The following EVC variants were observed in gnomAD, a reference collection of about 807,000 sequenced individuals.
The protein encoded by EVC is EvC ciliary complex subunit 1.
EVC carries 116 observed loss-of-function variants against 118.9 expected under a neutral mutation model. The observed-to-expected ratio is 0.98, with a 90% confidence interval of 0.84 to 1.14. EVC has a LOEUF of 1.14. Ranked by LOEUF, EVC falls within the 50% of genes most tolerant of loss-of-function variation. The pLI is 0.00. For synonymous variants in EVC, 619 were observed against 534.7 expected (o/e 1.16, Z -2.18); for missense variants, 1,401 against 1,246.4 (o/e 1.12, Z -1.87).
chr4:5,713,780 G>T (rs1026021209), intron 1 of EVC, among the ~76,000 whole-genome samples: 1 of 151,780 alleles, frequency 6.6e-6, no homozygotes, highest in Non-Finnish European at 1.5e-5. Flanking sequence ...GTGCATGCCT[G>T]TAATCCCAGC....
At chr4:5,793,316 A>T (rs1056396308) in intron 12 of EVC, among the ~76,000 whole-genome samples, 2 of 152,230 alleles carry the variant, frequency 1.3e-5, no homozygotes, top group Non-Finnish European at 2.9e-5. Flanking sequence ...ACAATTAGTT[A>T]TCCATTTATC....
the EVC span, chr4:5,825,837 A>T: frequency 1.6e-6 from 1 of 626,674 alleles, no homozygotes; most frequent in South Asian, 2.1e-5. The surrounding 1 kb of genome is among the most constrained non-coding windows in gnomAD (Gnocchi z 4.4). Context: ...AGCCGCACAC[A>T]GGCATTCATA....
rs866226288 is a variant in EVC, at chr4:5,711,473, C to G, written c.93C>G (p.Ala31=). The G allele has an allele frequency of 3.8e-4, 410 of 1,076,374 alleles. 3 individuals are homozygous for G. In the African/African-American group the frequency reaches 6.3e-3, roughly 17 times the overall value. 66.7% of individuals were successfully genotyped at this position (1,076,374 alleles called of 1,614,324 possible). ...CGGCGCCCGCCCTGCTGGCCCCCGC[C>G]GTGCTGCTGGGCGCCGCGCTCGGCC... ...LRPAPALLAP[A]VLLGAALGLG... is the part of the protein sequence containing the mutation. Residue 31 remains alanine, a synonymous_variant, in exon 1 of 21, where the codon GCC becomes GCG. Coordinates refer to ENST00000264956, the MANE Select transcript of EVC (RefSeq NM_153717.3).
the EVC span, chr4:5,825,820 CACAT>C: frequency 1.5e-6 from 1 of 673,264 alleles, no homozygotes; most frequent in Non-Finnish European, 2.5e-6. This position sits in a 1 kb window ranked among gnomAD's most constrained non-coding sequence, Gnocchi z 4.4. Context: ...GCACTTCACA[CACAT>C]GCAGCCGCAC....
chr4:5,713,655 C>CAACAAGAAT, intron 1 of EVC, among the ~76,000 whole-genome samples: 2 of 116,030 alleles, frequency 1.7e-5, no homozygotes, highest in South Asian at 2.8e-4. Flanking sequence ...CCAGCCTGGG[C>CAACAAGAAT]GATAGAGCAA....
chr4:5,771,877 G>C (rs1734019210), intron 11 of EVC, among the ~76,000 whole-genome samples: 1 of 148,554 alleles, frequency 6.7e-6, no homozygotes, highest in African/African-American at 2.5e-5. Flanking sequence ...ACGGAATGTG[G>C]CTTTTTATTT....
chr4:5,724,197 T>A (rs1020860756), intron 2 of EVC, among the ~76,000 whole-genome samples: 4 of 152,190 alleles, frequency 2.6e-5, no homozygotes, highest in Admixed American at 2.6e-4. Flanking sequence ...CGGCAGACCC[T>A]CAATACATGG....
chr4:5,752,790 G>A, intron 8 of EVC, 46 bp from the exon 9 acceptor site: 1 of 1,588,774 alleles, frequency 6.3e-7, no homozygotes, highest in African/African-American at 1.3e-5. Flanking sequence ...TGCCCTGGTG[G>A]TTCCCAGGAC....
At chr4:5,744,141 A>C (rs960944917) in intron 6 of EVC, among the ~76,000 whole-genome samples, 2 of 152,196 alleles carry the variant, frequency 1.3e-5, no homozygotes, top group Non-Finnish European at 2.9e-5. Context: ...AAACTTTCAG[A>C]AGAGGACAAG....
chr4:5,748,522 A>G (rs954666593), intron 8 of EVC, among the ~76,000 whole-genome samples: 1 of 135,166 alleles, frequency 7.4e-6, no homozygotes, highest in Non-Finnish European at 1.6e-5. Context: ...CCTTCCATCC[A>G]TCCATCCATC....
In EVC at chr4:5,811,529, G is replaced by A. The variant is rs530991301; in HGVS notation, c.*492G>A. On this transcript the variant is annotated 3_prime_UTR_variant, in exon 21 of 21. Transcript: ENST00000264956. ...CTTCACCTGGGGAGGGGCTTCTTCC[G>A]GACAGTAGACACCCTGCCCGTGCAG... The A allele has an allele frequency of 6.7e-4, 135 of 201,502 alleles. 1 individual carries two copies. The highest frequency in any genetic ancestry group is 2.7e-3 in the African/African-American group (115 of 42,508). The allele number at this position is 201,502 out of a possible 1,614,324, so 12.5% of individuals were successfully genotyped here.
At chr4:5,712,438 G>A (rs1723195759) in intron 1 of EVC, among the ~76,000 whole-genome samples, 1 of 152,250 alleles carries the variant, frequency 6.6e-6, no homozygotes, top group African/African-American at 2.4e-5. Context: ...TGGCCCTCAT[G>A]GAATTGGCTG....
chr4:5,770,538 A>G (rs1671253681), intron 11 of EVC, among the ~76,000 whole-genome samples: 1 of 152,164 alleles, frequency 6.6e-6, no homozygotes, highest in Non-Finnish European at 1.5e-5. Context: ...CAAGCCTCGT[A>G]ACATTCTAGT....
At chr4:5,794,825 T>C (rs1189296321) in intron 13 of EVC, among the ~76,000 whole-genome samples, 4 of 152,192 alleles carry the variant, frequency 2.6e-5, no homozygotes, top group East Asian at 3.8e-4. Flanking sequence ...ATGCTGAGGA[T>C]TGGGGTACAG....
the EVC span, chr4:5,821,825 T>G: frequency 1.9e-6 from 3 of 1,607,948 alleles, no homozygotes; most frequent in Non-Finnish European, 2.5e-6. The surrounding 1 kb of genome is among the most constrained non-coding windows in gnomAD (Gnocchi z 4.4). Flanking sequence ...CCGGTGCGCC[T>G]GGGATTGTTG....
chr4:5,828,346 C>G, the EVC span: 3 of 1,434,004 alleles, frequency 2.1e-6, no homozygotes, highest in Non-Finnish European at 2.7e-6. Context: ...AGGCCAGCGT[C>G]TCAACCCATT....
In EVC at chr4:5,808,328, G is replaced by A; in HGVS notation, c.2688+1G>A. On this transcript the variant is annotated splice_donor_variant, in intron 18 of 20. Coordinates refer to ENST00000264956, the MANE Select transcript of EVC (RefSeq NM_153717.3). LOFTEE classifies it high-confidence loss of function. Reference sequence around the variant, plus strand: ...AGCCCAGCTGGAGACCCAGCTACAGGTACAAGTTACAGAACTGGACCTTCC... The same window carrying A: ...AGCCCAGCTGGAGACCCAGCTACAGATACAAGTTACAGAACTGGACCTTCC... 1 of 1,614,186 alleles carries A rather than the reference G, an allele frequency of 6.2e-7. No individual in the cohort carries two copies. Among genetic ancestry groups the A allele is most frequent in the South Asian group, 1.1e-5 (1 of 91,080 alleles).
At chr4:5,747,633 C>T (rs73795044) in intron 7 of EVC, among the ~76,000 whole-genome samples, 5,933 of 152,268 alleles carry the variant, frequency 0.039, 153 homozygotes, top group African/African-American at 0.075. Context: ...CCCAGCTCTG[C>T]TCCTGATAAA....
intron 4 of EVC, among the ~76,000 whole-genome samples, chr4:5,732,330 G>T (rs1230590067): frequency 5.9e-5 from 9 of 152,210 alleles, no homozygotes; most frequent in African/African-American, 2.2e-4. Context: ...GGATGATCCA[G>T]GGCACAGCCT....
Sources: allele counts gnomAD v4.1 joint callset (sites outside exome capture counted in the v4.1 genomes callset), GRCh38; gene constraint gnomAD v4.1.1; non-coding constraint Gnocchi (gnomAD v3.1); transcripts MANE v1.5; gene names NCBI Gene and HGNC (gene_info 2026-07-23, HGNC 2026-07-21).